Variants in STAG1 observed in about 807,000 individuals in gnomAD.
STAG1 encodes STAG1 cohesin complex component.
In STAG1, 26 loss-of-function variants were observed where a neutral mutation model predicts 170.9. That is an observed-to-expected ratio of 0.15 (90% CI 0.11 to 0.21). The LOEUF is 0.21. STAG1 is among the 10% of genes least tolerant of loss of function. The probability of loss-of-function intolerance (pLI) is 1.00; values close to 1 mark genes in which losing one functional copy is unlikely to be tolerated. For missense variants in STAG1, 964 were observed against 1,509.5 expected, an observed-to-expected ratio of 0.64 and a Z score of 5.99; for synonymous variants, 514 against 497.7, an observed-to-expected ratio of 1.03 and a Z score of -0.44.
intron 1 of STAG1, among the ~76,000 whole-genome samples, chr3:136,710,118 C>T (rs554810484): frequency 6.6e-6 from 1 of 152,142 alleles, no homozygotes; most frequent in Non-Finnish European, 1.5e-5. Flanking sequence ...ATTCATAAAA[C>T]AATACAACAG....
intron 1 of STAG1, among the ~76,000 whole-genome samples, chr3:136,699,467 T>G (rs778929248): frequency 6.6e-6 from 1 of 152,096 alleles, no homozygotes; most frequent in Non-Finnish European, 1.5e-5. Flanking sequence ...CACAGCTCAC[T>G]GCAACCTCTG....
chr3:136,746,389 C>A (rs1397378634), intron 1 of STAG1, among the ~76,000 whole-genome samples: 2 of 151,968 alleles, frequency 1.3e-5, no homozygotes, highest in East Asian at 3.9e-4. Context: ...TGGAAGAATT[C>A]TCTTGGGTCA....
chr3:136,376,013 T>TAAAATAAAATAA (rs1163167497), intron 23 of STAG1, among the ~76,000 whole-genome samples: 2 of 15,714 alleles, frequency 1.3e-4, no homozygotes, highest in Non-Finnish European at 3.1e-4. Flanking sequence ...AATAAATAAT[T>TAAAATAAAATAA]AACAAAATAA....
intron 21 of STAG1, among the ~76,000 whole-genome samples, chr3:136,405,376 G>C (rs989065882): frequency 6.6e-5 from 10 of 151,026 alleles, no homozygotes; most frequent in African/African-American, 2.4e-4. Flanking sequence ...CGAGTAGCTA[G>C]GATTACAGAT....
chr3:136,567,919 C>A (rs1420557976), intron 5 of STAG1, among the ~76,000 whole-genome samples: 1 of 152,094 alleles, frequency 6.6e-6, no homozygotes, highest in Non-Finnish European at 1.5e-5. Context: ...CTCTTTCTTA[C>A]TCACAATGAA....
intron 3 of STAG1, among the ~76,000 whole-genome samples, chr3:136,615,633 C>T (rs1227990960): frequency 1.3e-5 from 2 of 150,762 alleles, no homozygotes; most frequent in African/African-American, 2.4e-5. Context: ...AAAAAATTAT[C>T]CGGGCGTGAT....
intron 1 of STAG1, among the ~76,000 whole-genome samples, chr3:136,698,165 G>A (rs909502793): frequency 7.2e-5 from 11 of 151,882 alleles, no homozygotes; most frequent in African/African-American, 2.7e-4. Context: ...AAATAAATGG[G>A]ACCTAATTAA....
chr3:136,461,260 A>T (rs1188921945), intron 13 of STAG1, among the ~76,000 whole-genome samples: 2 of 152,212 alleles, frequency 1.3e-5, no homozygotes, highest in African/African-American at 2.4e-5. Flanking sequence ...CCTTTCCCAT[A>T]AGAACTCAAG....
intron 5 of STAG1, among the ~76,000 whole-genome samples, chr3:136,554,305 T>A (rs536384006): frequency 1.2e-4 from 18 of 152,182 alleles, no homozygotes; most frequent in Admixed American, 3.9e-4. Context: ...TCTACAACCA[T>A]GATGTGGGAT....
intron 2 of STAG1, among the ~76,000 whole-genome samples, chr3:136,625,586 A>T (rs1179028601): frequency 5.9e-5 from 9 of 152,218 alleles, no homozygotes; most frequent in Admixed American, 5.9e-4. Context: ...ATTTATTGTC[A>T]CCATTATCCT....
chr3:136,449,150 A>G (rs2088866146), intron 14 of STAG1, among the ~76,000 whole-genome samples: 1 of 152,232 alleles, frequency 6.6e-6, no homozygotes, highest in South Asian at 2.1e-4. Flanking sequence ...AGATTTTCAC[A>G]AAGAATATTT....
intron 1 of STAG1, among the ~76,000 whole-genome samples, chr3:136,719,815 G>A (rs1171253494): frequency 6.6e-6 from 1 of 152,136 alleles, no homozygotes; most frequent in Non-Finnish European, 1.5e-5. Context: ...AAGCAAGAAT[G>A]CACTAGAAGC....
rs777885850 is a variant in STAG1, at chr3:136,341,421, A to G, written c.3557+20T>C. On this transcript the variant is annotated intron_variant, in intron 31 of 33. Transcript: ENST00000383202. ...ATCACATAGTTGTTATGTTCTTGTG[A>G]TACTCCATGTAACACTTACACAGCA... The G allele has an allele frequency of 1.4e-6, 2 of 1,472,730 alleles. No individual in the cohort carries two copies. Among genetic ancestry groups the G allele is most frequent in the Non-Finnish European group, 1.9e-6 (2 of 1,054,918 alleles). The allele number at this position is 1,472,730 out of a possible 1,614,324, so 91.2% of individuals were successfully genotyped here.
intron 3 of STAG1, among the ~76,000 whole-genome samples, chr3:136,617,561 C>G (rs1397264692): frequency 6.6e-6 from 1 of 152,188 alleles, no homozygotes; most frequent in Non-Finnish European, 1.5e-5. Flanking sequence ...GAAAGATTGA[C>G]TTAGTCCTAG....
chr3:136,532,204 T>C (rs2107930438), intron 6 of STAG1, among the ~76,000 whole-genome samples: 1 of 152,324 alleles, frequency 6.6e-6, no homozygotes, highest in Admixed American at 6.5e-5. Flanking sequence ...GAGACTATTA[T>C]GAACAACTAT....
Position 136,597,084 on chromosome 3 carries a change from A to T in STAG1, c.297+7225T>A, listed in dbSNP as rs183142119. On this transcript the variant is annotated intron_variant, in intron 4 of 33. Transcript: ENST00000383202. The stretch of plus-strand genomic sequence containing the variant: ...GAGCGAGACTGTATCTTAAAAAAAA[A>T]TTTTTTTTCAGAGTTTAAATATACC... 2.2e-3 allele frequency among the ~76,000 whole-genome samples: 340 copies of T among 151,968 alleles called. 2 individuals are homozygous for T. Among genetic ancestry groups the T allele is most frequent in the South Asian group, 0.02 (97 of 4,816 alleles).
chr3:136,611,004 A>C (rs894499806), intron 3 of STAG1, among the ~76,000 whole-genome samples: 5 of 152,194 alleles, frequency 3.3e-5, no homozygotes, highest in African/African-American at 1.2e-4. Flanking sequence ...TTGGAACAAG[A>C]AGTGTGTCAG....
At chr3:136,469,677 G>A (rs1295509250) in intron 12 of STAG1, among the ~76,000 whole-genome samples, 1 of 152,164 alleles carries the variant, frequency 6.6e-6, no homozygotes, top group Admixed American at 6.5e-5. Flanking sequence ...GCATTGCCAA[G>A]ACAATCCTAA....
intron 1 of STAG1, among the ~76,000 whole-genome samples, chr3:136,688,633 T>C (rs753168032): frequency 6.6e-5 from 10 of 151,944 alleles, no homozygotes; most frequent in African/African-American, 1.2e-4. Context: ...ATCAAGTGAT[T>C]TGCCTGCCTT....
Sources: allele counts gnomAD v4.1 joint callset (sites outside exome capture counted in the v4.1 genomes callset), GRCh38; gene constraint gnomAD v4.1.1; transcripts MANE v1.5; gene names NCBI Gene and HGNC (gene_info 2026-07-23, HGNC 2026-07-21).